Variants in HYCC1 observed in about 807,000 individuals in gnomAD.
The protein encoded by HYCC1 is hyccin PI4KA lipid kinase complex subunit 1.
the HYCC1 span, among the ~76,000 whole-genome samples, chr7:22,906,881 G>T: frequency 6.6e-6 from 1 of 151,720 alleles, no homozygotes; most frequent in Non-Finnish European, 1.5e-5. Flanking sequence ...ATTAAAAATT[G>T]AAAAAGAATT....
the HYCC1 span, among the ~76,000 whole-genome samples, chr7:22,992,129 ATATTAT>A: frequency 2.3e-5 from 3 of 131,870 alleles, no homozygotes; most frequent in Non-Finnish European, 5.0e-5. Context: ...TCACTATGCA[ATATTAT>A]TATTATTATT....
the HYCC1 span, among the ~76,000 whole-genome samples, chr7:22,914,653 C>A: frequency 1.0e-3 from 153 of 152,266 alleles, no homozygotes; most frequent in Middle Eastern, 3.4e-3. Context: ...CCTCCCTAGT[C>A]TCTGCTCCCA....
At chr7:22,906,389 C>T in the HYCC1 span, among the ~76,000 whole-genome samples, 8 of 152,106 alleles carry the variant, frequency 5.3e-5, no homozygotes, top group East Asian at 1.5e-3. Context: ...ACCAGCCTGG[C>T]CAACATGGTG....
the HYCC1 span, among the ~76,000 whole-genome samples, chr7:23,010,834 T>C: frequency 2.0e-5 from 3 of 152,202 alleles, no homozygotes; most frequent in Non-Finnish European, 2.9e-5. Flanking sequence ...GAACCACTAC[T>C]CAATGAAAGC....
the HYCC1 span, chr7:22,961,257 T>C: frequency 6.2e-7 from 1 of 1,608,216 alleles, no homozygotes; most frequent in South Asian, 1.1e-5. Context: ...TGGATATAAT[T>C]CTAGCTGGGC....
chr7:22,915,572 G>C, the HYCC1 span, among the ~76,000 whole-genome samples: 3 of 152,176 alleles, frequency 2.0e-5, no homozygotes, highest in Non-Finnish European at 4.4e-5. Context: ...CCAGATCTCG[G>C]CTTAGCGGCT....
chr7:22,919,920 T>C, the HYCC1 span, among the ~76,000 whole-genome samples: 1 of 152,176 alleles, frequency 6.6e-6, no homozygotes, highest in Non-Finnish European at 1.5e-5. Flanking sequence ...AATGTTTAAA[T>C]ATGTTGAGAA....
At chr7:22,976,450 A>G in the HYCC1 span, 1 of 693,618 alleles carries the variant, frequency 1.4e-6, no homozygotes, top group Admixed American at 2.7e-5. Flanking sequence ...GAAAAACTAC[A>G]AGGAAAAAAA....
the HYCC1 span, among the ~76,000 whole-genome samples, chr7:23,002,756 T>C: frequency 1.3e-5 from 2 of 152,156 alleles, no homozygotes; most frequent in African/African-American, 2.4e-5. Context: ...GCCACCTATA[T>C]TTGTTTGCTA....
At chr7:22,997,433 T>A in the HYCC1 span, among the ~76,000 whole-genome samples, 1 of 152,164 alleles carries the variant, frequency 6.6e-6, no homozygotes, top group Non-Finnish European at 1.5e-5. Flanking sequence ...TATAAATGGA[T>A]TGTGACACAT....
At chr7:22,932,026 G>C in the HYCC1 span, among the ~76,000 whole-genome samples, 2 of 152,180 alleles carry the variant, frequency 1.3e-5, no homozygotes, top group African/African-American at 4.8e-5. Flanking sequence ...TATCTAGATA[G>C]CAAAAGATGA....
At chr7:22,930,038 T>C in the HYCC1 span, among the ~76,000 whole-genome samples, 5 of 151,932 alleles carry the variant, frequency 3.3e-5, no homozygotes, top group Admixed American at 2.0e-4. Context: ...TCATGTCCTT[T>C]GTAGGGACAT....
the HYCC1 span, among the ~76,000 whole-genome samples, chr7:22,986,951 A>G: frequency 1.3e-5 from 2 of 152,224 alleles, no homozygotes; most frequent in African/African-American, 4.8e-5. Flanking sequence ...ATAGGGGTTG[A>G]GTAGCAGAGA....
At chr7:22,925,688 G>C in the HYCC1 span, among the ~76,000 whole-genome samples, 29 of 152,332 alleles carry the variant, frequency 1.9e-4, no homozygotes, top group East Asian at 5.2e-3. Context: ...TATGTGAAAA[G>C]ATCAAATCTA....
chr7:22,998,104 G>A, the HYCC1 span, among the ~76,000 whole-genome samples: 23 of 152,278 alleles, frequency 1.5e-4, no homozygotes, highest in East Asian at 4.4e-3. Context: ...TCATAGACAA[G>A]ATCCTCCAGG....
the HYCC1 span, chr7:22,945,756 A>G: frequency 6.2e-7 from 1 of 1,613,760 alleles, no homozygotes; most frequent in Non-Finnish European, 8.5e-7. Context: ...ACAGCAGATG[A>G]CGGGTTATGT....
the HYCC1 span, among the ~76,000 whole-genome samples, chr7:22,992,077 C>A: frequency 2.6e-5 from 4 of 151,754 alleles, no homozygotes. Context: ...TTTTAAAATG[C>A]AAATAAAAGC....
the HYCC1 span, among the ~76,000 whole-genome samples, chr7:22,980,300 T>A: frequency 2.0e-5 from 3 of 151,740 alleles, no homozygotes; most frequent in African/African-American, 7.3e-5. Context: ...GGAAACCATA[T>A]TATTTATGGT....
At chr7:22,906,485 C>T in the HYCC1 span, among the ~76,000 whole-genome samples, 1 of 150,618 alleles carries the variant, frequency 6.6e-6, no homozygotes, top group African/African-American at 2.4e-5. Flanking sequence ...GGCTGAGGCA[C>T]GAGAATCACT....
Sources: gnomAD v4.1 joint callset for allele counts (sites outside exome capture counted in the v4.1 genomes callset) on GRCh38, gnomAD v4.1.1 for gene constraint, MANE v1.5 for transcripts, NCBI Gene and HGNC (gene_info 2026-07-23, HGNC 2026-07-21) for gene names.